MICA: variants seen among roughly 807,000 people sequenced by gnomAD.
MICA encodes the protein HLA class I antigen.
MICA carries 18 observed loss-of-function variants against 34.3 expected under a neutral mutation model. That is an observed-to-expected ratio of 0.52 (90% CI 0.36 to 0.78). The LOEUF (loss-of-function observed/expected upper bound fraction) is 0.78. MICA is among the 30% of genes least tolerant of loss of function. The pLI is 0.00. For missense variants in MICA, 333 were observed against 409.4 expected, an observed-to-expected ratio of 0.81 and a Z score of 1.61; for synonymous variants, 135 against 156.9, an observed-to-expected ratio of 0.86 and a Z score of 1.04.
At chr6:31,406,207 C>T (rs1263014722) in intron 1 of MICA, among the ~76,000 whole-genome samples, 3 of 151,612 alleles carry the variant, frequency 2.0e-5, no homozygotes, top group Non-Finnish European at 2.9e-5. Context: ...TCTACATCCT[C>T]GCCAGCATTC....
In MICA at chr6:31,411,116, G is replaced by A. The variant is rs190052924; in HGVS notation, c.370G>A (p.Asp124Asn). The stretch of plus-strand genomic sequence containing the variant: ...GATTAGGGTCTGTGAGATCCATGAA[G>A]ACAACAGCACCAGGAGCTCCCAGCA... ...QEIRVCEIHE[D>N]NSTRSSQHFY... Residue 124 changes from aspartate (D) to asparagine (N), a missense_variant, in exon 3 of 6, where the codon GAC becomes AAC. Physicochemically the swap from Asp to Asn is conservative, Grantham distance 23 (BLOSUM62 1). Coordinates refer to ENST00000449934, the MANE Select transcript of MICA (RefSeq NM_001177519.3). This position sits in a 1 kb window ranked among gnomAD's most constrained non-coding sequence, Gnocchi z 4.3. The A allele has an allele frequency of 1.1e-4, 185 of 1,609,276 alleles. 2 individuals carry two copies. In the Middle Eastern group the frequency reaches 2.3e-3, roughly 20 times the overall value.
At chr6:31,408,307 T>C (rs1770855180) in intron 1 of MICA, among the ~76,000 whole-genome samples, 2 of 152,002 alleles carry the variant, frequency 1.3e-5, no homozygotes, top group Non-Finnish European at 2.9e-5. Context: ...TGTAGTTTTC[T>C]TTTTTATGAT....
intron 2 of MICA, 24 bp downstream of exon 2, chr6:31,410,821 T>C: frequency 6.5e-7 from 1 of 1,544,936 alleles, no homozygotes; most frequent in Non-Finnish European, 8.7e-7. Context: ...GGGGCAAGAG[T>C]GACTGGAGAG....
upstream of MICA, among the ~76,000 whole-genome samples, chr6:31,402,534 T>C (rs1770487571): frequency 2.0e-5 from 3 of 151,804 alleles, no homozygotes; most frequent in Admixed American, 2.0e-4. Flanking sequence ...GCACTCTGGT[T>C]GTAACTGAGG....
chr6:31,412,558 G>A, intron 5 of MICA, 98 bp downstream of exon 5: 1 of 801,746 alleles, frequency 1.2e-6, no homozygotes, highest in Non-Finnish European at 2.0e-6. Flanking sequence ...TGGTGACAAG[G>A]CTTCCATAAC....
At chr6:31,412,781 A>ATT (rs1771275005) in intron 5 of MICA, among the ~76,000 whole-genome samples, 1 of 151,748 alleles carries the variant, frequency 6.6e-6, no homozygotes, top group Non-Finnish European at 1.5e-5. Flanking sequence ...AGGTGGGGTG[A>ATT]GCTGGGAATC....
chr6:31,400,959 G>A (rs144819278), upstream of MICA, among the ~76,000 whole-genome samples: 299 of 151,898 alleles, frequency 2.0e-3, 6 homozygotes, highest in African/African-American at 7.0e-3. Flanking sequence ...GCCTCCCCTA[G>A]CCCAAGAGAG....
chr6:31,413,757 G>A (rs1419860233), intron 5 of MICA, among the ~76,000 whole-genome samples: 4 of 151,908 alleles, frequency 2.6e-5, no homozygotes, highest in East Asian at 1.9e-4. Flanking sequence ...CACCTGTGGC[G>A]TCTCCCGTAG....
At chr6:31,409,108 T>C (rs1315332164) in intron 1 of MICA, among the ~76,000 whole-genome samples, 1 of 151,924 alleles carries the variant, frequency 6.6e-6, no homozygotes, top group East Asian at 1.9e-4. Flanking sequence ...ATAATACTCA[T>C]TATATGTATG....
At position 31,411,672 on chromosome 6, in the gene MICA, T is replaced by G. The variant is rs1771164932; in HGVS notation, c.614-275T>G. 6.6e-6 allele frequency among the ~76,000 whole-genome samples: 1 copy of G among 151,730 alleles called. No homozygotes were observed. The highest frequency in any genetic ancestry group is 1.5e-5 in the Non-Finnish European group (1 of 67,968). ...CCTCTGCCTCCCAGCCTGCCCATCC[T>G]GGAGAGTTCCCTCCTGGCCCCACAA... On this transcript the variant is annotated intron_variant, in intron 3 of 5. Coordinates refer to ENST00000449934, the MANE Select transcript of MICA (RefSeq NM_001177519.3). This position sits in a 1 kb window ranked among gnomAD's most constrained non-coding sequence, Gnocchi z 4.3.
At position 31,411,834 on chromosome 6, in the gene MICA, A is replaced by G; in HGVS notation, c.614-113A>G. Reference sequence around the variant, plus strand: ...CAGAGTGAGGACAGACTTGCAGGTCAGGGGTCCCGGAGGGCTTCAGCCAGA... The same window carrying G: ...CAGAGTGAGGACAGACTTGCAGGTCGGGGGTCCCGGAGGGCTTCAGCCAGA... On this transcript the variant is annotated intron_variant, in intron 3 of 5. Coordinates refer to ENST00000449934, the MANE Select transcript of MICA (RefSeq NM_001177519.3). This position sits in a 1 kb window ranked among gnomAD's most constrained non-coding sequence, Gnocchi z 4.3. 1 of 1,449,676 alleles carries G rather than the reference A, an allele frequency of 6.9e-7. No individual in the cohort carries two copies. The highest frequency in any genetic ancestry group is 9.1e-7 in the Non-Finnish European group (1 of 1,094,012). The allele number at this position is 1,449,676 out of a possible 1,614,324, so 89.8% of individuals were successfully genotyped here. A position where few individuals can be genotyped will look rare whatever the true frequency, so the allele number is the denominator to read the frequency against.
intron 5 of MICA, among the ~76,000 whole-genome samples, chr6:31,412,690 A>G (rs557487737): frequency 6.6e-6 from 1 of 151,892 alleles, no homozygotes; most frequent in Admixed American, 6.6e-5. Flanking sequence ...GCAGGTGAGG[A>G]GTGGGCAGCA....
chr6:31,413,681 C>T (rs9266814), intron 5 of MICA, among the ~76,000 whole-genome samples: 46,963 of 149,952 alleles, frequency 0.31, 8,339 homozygotes, highest in African/African-American at 0.39. Flanking sequence ...TGCCCTGCAG[C>T]AAGAGGGCCC....
chr6:31,412,176 C>T lies in MICA; in HGVS notation c.843C>T (p.Thr281=), dbSNP rs764297323. ...RICRGEEQRF[T]CYMEHSGNHS... is the part of the protein sequence containing the mutation. ...GCCGAGGAGAGGAGCAGAGGTTCAC[C>T]TGCTACATGGAACACAGCGGGAATC... Residue 281 remains threonine, a synonymous_variant, in exon 4 of 6, where the codon ACC becomes ACT. Transcript: ENST00000449934. 1.9e-6 allele frequency: 3 copies of T among 1,612,376 alleles called. No individual in the cohort carries two copies. Among genetic ancestry groups the T allele is most frequent in the Non-Finnish European group, 2.5e-6 (3 of 1,179,680 alleles).
Position 31,410,424 on chromosome 6 carries a change from T to C in MICA, c.71-119T>C. On this transcript the variant is annotated intron_variant, in intron 1 of 5. Coordinates refer to ENST00000449934, the MANE Select transcript of MICA (RefSeq NM_001177519.3). ...TTTGTATATGAAATCCTCGTTCTTGTCCCTTTGCCCGTGTGCATTTCCTGC... is the reference window on the plus strand; with the variant it reads ...TTTGTATATGAAATCCTCGTTCTTGCCCCTTTGCCCGTGTGCATTTCCTGC... 4 of 1,296,534 alleles carry C rather than the reference T, an allele frequency of 3.1e-6. No individual in the cohort carries two copies. The South Asian group carries it at 5.9e-5, about 19-fold the overall frequency. 80.3% of individuals were successfully genotyped at this position (1,296,534 alleles called of 1,614,324 possible).
In MICA at chr6:31,412,208, C is replaced by T. The variant is rs749031460; in HGVS notation, c.875C>T (p.Thr292Ile). 3.1e-6 allele frequency: 5 copies of T among 1,610,658 alleles called. No homozygotes were observed. In the Admixed American group the frequency reaches 6.7e-5, roughly 22 times the overall value. The change falls in exon 4 of 6, where the codon ACT becomes ATT. Residue 292 changes from threonine to isoleucine, a missense_variant. Coordinates refer to ENST00000449934, the MANE Select transcript of MICA (RefSeq NM_001177519.3). ...CYMEHSGNHSTHPVPSGKVLV... is the reference protein window; with the variant it reads ...CYMEHSGNHSIHPVPSGKVLV... The stretch of plus-strand genomic sequence containing the variant: ...ATGGAACACAGCGGGAATCACAGCA[C>T]TCACCCTGTGCCCTCTGGTGAGCCT...
At position 31,408,955 on chromosome 6, in the gene MICA, A is replaced by G. The variant is rs575823877; in HGVS notation, c.71-1588A>G. Among the ~76,000 whole-genome samples the G allele has an allele frequency of 2.7e-4, 41 of 151,620 alleles. 2 individuals are homozygous for G. Among genetic ancestry groups the G allele is most frequent in the African/African-American group, 9.9e-4 (41 of 41,248 alleles). ...GGGAAGTGGAGGTTGCAGTGAGCTG[A>G]GATCAGGCCACTGCACTCCAGCCTG... On this transcript the variant is annotated intron_variant, in intron 1 of 5. Transcript: ENST00000449934.
upstream of MICA, among the ~76,000 whole-genome samples, chr6:31,401,037 GT>G (rs1309285620): frequency 6.6e-6 from 1 of 151,792 alleles, no homozygotes; most frequent in Non-Finnish European, 1.5e-5. Flanking sequence ...ATTCATTATT[GT>G]TATTGAACTA....
At chr6:31,413,822 T>G (rs116786030) in intron 5 of MICA, among the ~76,000 whole-genome samples, 2,700 of 152,068 alleles carry the variant, frequency 0.018, 60 homozygotes, top group Middle Eastern at 0.078. Flanking sequence ...CATAGGTCAC[T>G]GGAGTTTTGG....
Sources: allele counts gnomAD v4.1 joint callset (sites outside exome capture counted in the v4.1 genomes callset), GRCh38; gene constraint gnomAD v4.1.1; non-coding constraint Gnocchi (gnomAD v3.1); transcripts MANE v1.5; gene names NCBI Gene and HGNC (gene_info 2026-07-23, HGNC 2026-07-21).